The following CRPPA variants were observed in gnomAD, a reference collection of about 807,000 sequenced individuals.
The protein encoded by CRPPA is CDP-L-ribitol pyrophosphorylase A.
In CRPPA, 43 loss-of-function variants were observed where a neutral mutation model predicts 52.0. The ratio of observed to expected loss-of-function variants is 0.83; its 90% confidence interval spans 0.65 to 1.07. The LOEUF is 1.07. Among genes scored for constraint, CRPPA ranks in the 50% least tolerant of loss-of-function variants. The probability of loss-of-function intolerance (pLI) is 0.00; values close to 1 mark genes in which losing one functional copy is unlikely to be tolerated. For missense variants in CRPPA, 629 were observed against 551.7 expected (o/e 1.14, Z -1.40); for synonymous variants, 250 against 203.5 (o/e 1.23, Z -1.94).
At chr7:16,263,121 G>A (rs575432079) in intron 6 of CRPPA, among the ~76,000 whole-genome samples, 2 of 152,168 alleles carry the variant, frequency 1.3e-5, no homozygotes, top group South Asian at 4.2e-4. Flanking sequence ...ATTCCTAGAA[G>A]AGCTTCATTT....
intron 9 of CRPPA, among the ~76,000 whole-genome samples, chr7:16,107,186 CA>C (rs201523152): frequency 2.7e-5 from 4 of 146,184 alleles, no homozygotes; most frequent in African/African-American, 7.5e-5. Context: ...GCAGAAGGGC[CA>C]AAAAAAAACA....
chr7:16,305,188 C>T (rs1368498383), intron 4 of CRPPA, among the ~76,000 whole-genome samples: 2 of 151,370 alleles, frequency 1.3e-5, no homozygotes, highest in East Asian at 3.9e-4. Flanking sequence ...ATGAAAATAC[C>T]AAAAAAAGAA....
chr7:16,232,990 A>C (rs1254380468), intron 8 of CRPPA, among the ~76,000 whole-genome samples: 1 of 152,180 alleles, frequency 6.6e-6, no homozygotes, highest in African/African-American at 2.4e-5. Flanking sequence ...TATTAAGCAC[A>C]GATGTAAAAT....
chr7:16,096,680 T>G (rs941799878), intron 9 of CRPPA, among the ~76,000 whole-genome samples: 1 of 152,126 alleles, frequency 6.6e-6, no homozygotes, highest in Non-Finnish European at 1.5e-5. Context: ...CTCCTAGGCT[T>G]AAGCAATCCT....
intron 2 of CRPPA, among the ~76,000 whole-genome samples, chr7:16,404,993 AT>A (rs371339217): frequency 2.6e-4 from 39 of 152,306 alleles, no homozygotes; most frequent in Middle Eastern, 3.4e-3. Flanking sequence ...TTAAAGTGAA[AT>A]TCATGTTGCA....
intron 9 of CRPPA, among the ~76,000 whole-genome samples, chr7:16,125,257 C>CAAAAAA (rs11323226): frequency 4.4e-5 from 3 of 67,728 alleles, no homozygotes; most frequent in Admixed American, 1.9e-4. Context: ...GAGACTGTCT[C>CAAAAAA]AAAAAAAAAA....
At chr7:16,394,218 CA>C (rs1184524360) in intron 2 of CRPPA, among the ~76,000 whole-genome samples, 2 of 152,008 alleles carry the variant, frequency 1.3e-5, no homozygotes, top group African/African-American at 4.8e-5. Flanking sequence ...ATGTTTACAT[CA>C]GCAAAAAATT....
At chr7:16,143,762 T>C (rs543258273) in intron 9 of CRPPA, among the ~76,000 whole-genome samples, 44 of 152,136 alleles carry the variant, frequency 2.9e-4, no homozygotes, top group Non-Finnish European at 5.9e-4. Flanking sequence ...TGCAGGGCAA[T>C]TTTCAGAAAA....
At chr7:16,099,527 A>G (rs1782001284) in intron 9 of CRPPA, among the ~76,000 whole-genome samples, 1 of 150,802 alleles carries the variant, frequency 6.6e-6, no homozygotes, top group African/African-American at 2.4e-5. Flanking sequence ...AGGGAAGGAG[A>G]AGGGAAGGGA....
intron 8 of CRPPA, among the ~76,000 whole-genome samples, chr7:16,222,186 T>G (rs939436174): frequency 9.9e-5 from 15 of 151,760 alleles, no homozygotes; most frequent in Middle Eastern, 3.4e-3. Context: ...CTCAGTAAAC[T>G]GTTGCAAGAA....
chr7:16,323,154 A>T (rs1179358084), intron 3 of CRPPA, among the ~76,000 whole-genome samples: 1 of 152,122 alleles, frequency 6.6e-6, no homozygotes, highest in Non-Finnish European at 1.5e-5. Flanking sequence ...AGAAAACTTC[A>T]TTTTTAATTC....
At chr7:16,288,940 C>A (rs1240160345) in intron 5 of CRPPA, among the ~76,000 whole-genome samples, 2 of 147,870 alleles carry the variant, frequency 1.4e-5, no homozygotes, top group African/African-American at 2.5e-5. Context: ...GGTTGTAAAC[C>A]ACCCAAAAAT....
At chr7:16,102,556 G>A (rs956285162) in intron 9 of CRPPA, among the ~76,000 whole-genome samples, 22 of 152,058 alleles carry the variant, frequency 1.4e-4, no homozygotes, top group South Asian at 4.1e-4. Flanking sequence ...CCATCTATCT[G>A]TCTGACAAAG....
intron 9 of CRPPA, among the ~76,000 whole-genome samples, chr7:16,165,880 A>C (rs899562171): frequency 1.3e-5 from 2 of 152,232 alleles, no homozygotes; most frequent in African/African-American, 2.4e-5. Context: ...AACCCTTTTC[A>C]ACCTGTAAAA....
intron 9 of CRPPA, among the ~76,000 whole-genome samples, chr7:16,122,971 GT>G (rs1402420760): frequency 6.6e-6 from 1 of 152,002 alleles, no homozygotes; most frequent in African/African-American, 2.4e-5. Context: ...AAGGAATCAA[GT>G]AGGTGTTTTC....
At chr7:16,154,977 T>C (rs922960203) in intron 9 of CRPPA, among the ~76,000 whole-genome samples, 60 of 150,220 alleles carry the variant, frequency 4.0e-4, no homozygotes, top group African/African-American at 1.4e-3. Flanking sequence ...TTTTTTCTTT[T>C]TTTTTTTTTT....
At chr7:16,219,906 C>A (rs1782452045) in intron 8 of CRPPA, among the ~76,000 whole-genome samples, 1 of 148,750 alleles carries the variant, frequency 6.7e-6, no homozygotes, top group Non-Finnish European at 1.5e-5. Flanking sequence ...CTATTCCAAT[C>A]AACAGAAAAA....
intron 9 of CRPPA, among the ~76,000 whole-genome samples, chr7:16,159,804 A>C (rs1372195709): frequency 6.6e-6 from 1 of 152,186 alleles, no homozygotes; most frequent in Admixed American, 6.5e-5. Flanking sequence ...ACAATGGTTG[A>C]ACTAACTTAC....
chr7:16,174,249 T>G (rs73056375), intron 9 of CRPPA, among the ~76,000 whole-genome samples: 1 of 152,202 alleles, frequency 6.6e-6, no homozygotes, highest in Non-Finnish European at 1.5e-5. Flanking sequence ...TAGAAAAACC[T>G]CAAGGATGGG....
Sources: allele counts gnomAD v4.1 joint callset (sites outside exome capture counted in the v4.1 genomes callset), GRCh38; gene constraint gnomAD v4.1.1; transcripts MANE v1.5; gene names NCBI Gene and HGNC (gene_info 2026-07-23, HGNC 2026-07-21).